The following ADGRG4 variants were observed in gnomAD, a reference collection of about 807,000 sequenced individuals.
ADGRG4 encodes the protein G protein-coupled receptor 112.
A neutral mutation model predicts 126.2 loss-of-function variants in ADGRG4; 122 were observed. The observed-to-expected ratio is 0.97, with a 90% confidence interval of 0.83 to 1.12. The LOEUF is 1.12. ADGRG4 is among the 50% of genes most tolerant of loss of function. ADGRG4 has a pLI of 0.00. For synonymous variants in ADGRG4, 943 were observed against 838.7 expected, an observed-to-expected ratio of 1.12 and a Z score of -2.15; for missense variants, 2,481 against 2,251.8, an observed-to-expected ratio of 1.10 and a Z score of -2.06.
chrX:136,397,785 T>C, intron 19 of ADGRG4, 96 bp from the exon 20 acceptor site: 2 of 838,841 alleles, frequency 2.4e-6, no homozygotes, highest in Non-Finnish European at 1.7e-6. Flanking sequence ...AGAAATGTTA[T>C]ACATCCTGGG....
At chrX:136,403,368 A>C (rs1487039135) in intron 22 of ADGRG4, 46 bp downstream of exon 22, 1 of 1,001,171 alleles carries the variant, frequency 1.0e-6, no homozygotes. Context: ...GCTCTGGCCC[A>C]GCAGGGTATA....
At chrX:136,372,583 G>A (rs934060146) in intron 14 of ADGRG4, among the ~76,000 whole-genome samples, 21 of 111,992 alleles carry the variant, frequency 1.9e-4, no homozygotes, top group Admixed American at 1.7e-3. Flanking sequence ...TGCAGGGTCT[G>A]GCTTACATGT....
At position 136,348,556 on chromosome X, in the gene ADGRG4, G is replaced by C; in HGVS notation, c.4850G>C (p.Gly1617Ala). ...TLDVTPVIYA[G>A]ATSKNKMVSS... ...GATGTCACACCTGTGATATATGCTG[G>C]GGCTACTTCAAAAAACAAAATGGTT... is the stretch of plus-strand genomic sequence containing the variant. The change falls in exon 6 of 26, where the codon GGG becomes GCG. Residue 1617 changes from glycine to alanine, a missense_variant. Transcript: ENST00000394143. 1 of 1,208,659 alleles carries C rather than the reference G, an allele frequency of 8.3e-7. No homozygotes were observed. Among genetic ancestry groups the C allele is most frequent in the East Asian group, 3.0e-5 (1 of 33,764 alleles).
In ADGRG4 at chrX:136,319,312, C is replaced by A. The variant is rs140724562; in HGVS notation, c.71-3466C>A. ...GGAAGGAAGAGGCTTCTGATAGTGACCCTGGCAAACATGGCAGCTGACATT... is the reference window on the plus strand; with the variant it reads ...GGAAGGAAGAGGCTTCTGATAGTGAACCTGGCAAACATGGCAGCTGACATT... On this transcript the variant is annotated intron_variant, in intron 4 of 25. Coordinates refer to ENST00000394143, the MANE Select transcript of ADGRG4 (RefSeq NM_153834.4). Among the ~76,000 whole-genome samples, 489 of 112,035 alleles carry A rather than the reference C, an allele frequency of 4.4e-3. 3 individuals are homozygous for A. The highest frequency in any genetic ancestry group is 6.4e-3 in the Non-Finnish European group (338 of 53,187).
chrX:136,334,679 T>C (rs2074938450), intron 5 of ADGRG4, among the ~76,000 whole-genome samples: 1 of 112,428 alleles, frequency 8.9e-6, no homozygotes, highest in African/African-American at 3.2e-5. Context: ...GTATTTCATT[T>C]TCATTGGAGC....
intron 15 of ADGRG4, among the ~76,000 whole-genome samples, chrX:136,379,277 T>G (rs1052598328): frequency 1.8e-5 from 2 of 111,685 alleles, no homozygotes; most frequent in African/African-American, 6.5e-5. Flanking sequence ...ATTTATAATA[T>G]TTTCCTATTT....
chrX:136,345,582 A>G lies in ADGRG4; in HGVS notation c.1876A>G (p.Arg626Gly). 2 of 1,210,637 alleles carry G rather than the reference A, an allele frequency of 1.7e-6. No individual in the cohort carries two copies. Among genetic ancestry groups the G allele is most frequent in the Non-Finnish European group, 2.2e-6 (2 of 894,767 alleles). The change falls in exon 6 of 26, where the codon AGA (arginine) becomes GGA (glycine). Residue 626 changes from arginine to glycine, a missense_variant. Transcript: ENST00000394143. Reference sequence around the variant, plus strand: ...ACACTTGCTTACTTTGATGTCCACTAGATCAGCTTCCACATCCAAGGCACC... The same window carrying G: ...ACACTTGCTTACTTTGATGTCCACTGGATCAGCTTCCACATCCAAGGCACC... ...DGHLLTLMST[R>G]SASTSKAPES...
chrX:136,330,343 T>C (rs1390249077), intron 5 of ADGRG4, among the ~76,000 whole-genome samples: 5 of 110,999 alleles, frequency 4.5e-5, no homozygotes, highest in Non-Finnish European at 7.5e-5. Flanking sequence ...TTCAACAATA[T>C]TATATAAATG....
chrX:136,404,149 G>T (rs2075393100), intron 22 of ADGRG4, among the ~76,000 whole-genome samples: 2 of 111,521 alleles, frequency 1.8e-5, no homozygotes, highest in Admixed American at 9.5e-5. Flanking sequence ...TTTCCATGGG[G>T]TCAAAATTAT....
At position 136,356,261 on chromosome X, in the gene ADGRG4, C is replaced by T. The variant is rs978540537; in HGVS notation, c.6927+96C>T. On this transcript the variant is annotated intron_variant, in intron 9 of 25. Transcript: ENST00000394143. The stretch of plus-strand genomic sequence containing the variant: ...TTCCACCCAAGTATATATTATCAGG[C>T]GAGGCTTTGTTGTGGCAATTGGGGG... The T allele has an allele frequency of 1.5e-5, 8 of 544,475 alleles. No homozygotes were observed. The Admixed American group carries it at 1.6e-4, about 11-fold the overall frequency. The allele number at this position is 544,475 out of a possible 1,213,427, so 44.9% of individuals were successfully genotyped here. A position where few individuals can be genotyped will look rare whatever the true frequency, so the allele number is the denominator to read the frequency against.
At chrX:136,307,695 A>T (rs2074742808) in intron 3 of ADGRG4, among the ~76,000 whole-genome samples, 1 of 112,758 alleles carries the variant, frequency 8.9e-6, no homozygotes, top group Non-Finnish European at 1.9e-5. Context: ...ACGTTGCATT[A>T]TCCTATAGAA....
chrX:136,367,574 T>TA lies in ADGRG4; in HGVS notation c.7397-3748dup, dbSNP rs201301416. On this transcript the variant is annotated intron_variant, in intron 13 of 25. Transcript: ENST00000394143. ...TGACTGAGAAGTCATTTTATATATA[T>TA]AAAAAATCTACCGCGGAGTAAAGGA... 7.4e-3 allele frequency among the ~76,000 whole-genome samples: 829 copies of TA among 112,149 alleles called. 6 individuals are homozygous for TA. The highest frequency in any genetic ancestry group is 0.025 in the African/African-American group (767 of 30,921).
At chrX:136,336,239 C>T (rs1213586773) in intron 5 of ADGRG4, among the ~76,000 whole-genome samples, 1 of 110,748 alleles carries the variant, frequency 9.0e-6, no homozygotes, top group Non-Finnish European at 1.9e-5. Flanking sequence ...AAATTCAGTT[C>T]CTTTAAATGA....
intron 5 of ADGRG4, among the ~76,000 whole-genome samples, chrX:136,324,544 T>G (rs773352324): frequency 2.3e-4 from 26 of 111,552 alleles, no homozygotes; most frequent in Non-Finnish European, 4.9e-4. Flanking sequence ...CCCAAAGTGC[T>G]GGGATAACAG....
chrX:136,345,195 G>T lies in ADGRG4; in HGVS notation c.1489G>T (p.Asp497Tyr). Residue 497 changes from aspartate to tyrosine, a missense_variant, in exon 6 of 26, where the codon GAT (aspartate) becomes TAT (tyrosine). Transcript: ENST00000394143. Reference protein sequence around the residue: ...NQTAFPLATTDMKIAFTVHSL... With the variant: ...NQTAFPLATTYMKIAFTVHSL... ...GACAGCATTTCCATTGGCAACAACT[G>T]ATATGAAAATAGCATTTACAGTCCA... 8.3e-7 allele frequency: 1 copy of T among 1,209,825 alleles called. No individual in the cohort carries two copies.
intron 15 of ADGRG4, 25 bp from the exon 16 acceptor site, chrX:136,387,715 T>G (rs748486673): frequency 1.7e-6 from 2 of 1,199,791 alleles, no homozygotes; most frequent in Admixed American, 4.5e-5. Flanking sequence ...GACTCCAATT[T>G]TCATTTTTTG....
At chrX:136,311,927 G>A (rs2074774553) in intron 4 of ADGRG4, among the ~76,000 whole-genome samples, 1 of 111,261 alleles carries the variant, frequency 9.0e-6, no homozygotes, top group Admixed American at 9.6e-5. Context: ...GAACTCCTGA[G>A]CTCAAGTGGT....
intron 23 of ADGRG4, among the ~76,000 whole-genome samples, chrX:136,410,400 T>C (rs1483335242): frequency 8.9e-6 from 1 of 111,901 alleles, no homozygotes; most frequent in African/African-American, 3.3e-5. Flanking sequence ...GGACAGAATA[T>C]GGCAGGAGAC....
chrX:136,364,634 C>G (rs1569328874), intron 13 of ADGRG4, among the ~76,000 whole-genome samples: 2 of 111,043 alleles, frequency 1.8e-5, no homozygotes, highest in African/African-American at 6.6e-5. Context: ...AATACTATAA[C>G]ATATTTTTAA....
Sources: gnomAD v4.1 joint callset for allele counts (sites outside exome capture counted in the v4.1 genomes callset) on GRCh38, gnomAD v4.1.1 for gene constraint, MANE v1.5 for transcripts, NCBI Gene and HGNC (gene_info 2026-07-23, HGNC 2026-07-21) for gene names.